The following UGGT2 variants were observed in gnomAD, a reference collection of about 807,000 sequenced individuals.
UGGT2 encodes UDP-glucose glycoprotein glucosyltransferase 2, also known as UDP-glucose:glycoprotein glucosyltransferase 2.
A neutral mutation model predicts 192.1 loss-of-function variants in UGGT2; 180 were observed. The ratio of observed to expected loss-of-function variants is 0.94; its 90% CI spans 0.83 to 1.06. The LOEUF (loss-of-function observed/expected upper bound fraction) is 1.06. UGGT2 is among the 50% of genes least tolerant of loss of function. The pLI, the probability that UGGT2 is intolerant of heterozygous loss-of-function variation, is 0.00. For synonymous variants in UGGT2, 580 were observed against 591.0 expected (o/e 0.98, Z 0.27); for missense variants, 1,849 against 1,795.7 (o/e 1.03, Z -0.54).
At chr13:96,051,876 G>C (rs546316563) in intron 1 of UGGT2, among the ~76,000 whole-genome samples, 3 of 152,188 alleles carry the variant, frequency 2.0e-5, no homozygotes, top group Non-Finnish European at 2.9e-5. Context: ...CTACACTGCT[G>C]GTGGGAATGT....
Position 95,844,535 on chromosome 13 carries a change from C to T in UGGT2, c.4285-7333G>A, listed in dbSNP as rs530148630. Among the ~76,000 whole-genome samples, 5 of 152,270 alleles carry T rather than the reference C, an allele frequency of 3.3e-5. No homozygotes were observed. In the South Asian group the frequency reaches 1.0e-3, roughly 32 times the overall value. ...AATCTGTAAGTCTTAAGTCTGACCA[C>T]TAAGTTTTTCATTTTTAAAATGCTA... On this transcript the variant is annotated intron_variant, in intron 36 of 38. Coordinates refer to ENST00000376747, the MANE Select transcript of UGGT2 (RefSeq NM_020121.4).
intron 2 of UGGT2, among the ~76,000 whole-genome samples, chr13:96,028,509 T>C (rs923124146): frequency 1.3e-5 from 2 of 152,208 alleles, no homozygotes; most frequent in African/African-American, 2.4e-5. Context: ...CAAAACTACA[T>C]AGGTTAACTA....
intron 30 of UGGT2, 93 bp from the exon 31 acceptor site, chr13:95,863,807 T>A: frequency 8.1e-6 from 8 of 983,504 alleles, no homozygotes; most frequent in Non-Finnish European, 1.1e-5. Context: ...AGATTACCCA[T>A]AGAAATCTAA....
intron 10 of UGGT2, among the ~76,000 whole-genome samples, chr13:95,983,146 T>C (rs1271286061): frequency 6.6e-6 from 1 of 152,192 alleles, no homozygotes; most frequent in Non-Finnish European, 1.5e-5. Flanking sequence ...ACCAGTCTGC[T>C]AAAATGTTCC....
chr13:95,998,130 A>C (rs1183832209), intron 6 of UGGT2, among the ~76,000 whole-genome samples: 3 of 152,172 alleles, frequency 2.0e-5, no homozygotes, highest in African/African-American at 7.2e-5. Flanking sequence ...TACAGAGAAA[A>C]AAAGAACTGC....
rs1435860314 is a variant in UGGT2 at position 95,854,409 on chromosome 13, G to A, written c.4075C>T (p.Pro1359Ser). Reference sequence around the variant, plus strand: ...ATTTCCCTGCGGCTATCACAAAATGGAGTATACCCATAAGGAGCTCCATCC... The same window carrying A: ...ATTTCCCTGCGGCTATCACAAAATGAAGTATACCCATAAGGAGCTCCATCC... Reference protein sequence around the residue: ...DLDGAPYGYTPFCDSRREMDG... With the variant: ...DLDGAPYGYTSFCDSRREMDG... Residue 1359 changes from proline to serine, a missense_variant, in exon 35 of 39, where the codon CCA (proline) becomes TCA (serine). Physicochemically the swap from Pro to Ser is moderately conservative, Grantham distance 74. Coordinates refer to ENST00000376747, the MANE Select transcript of UGGT2 (RefSeq NM_020121.4). 1 of 1,613,706 alleles carries A rather than the reference G, an allele frequency of 6.2e-7. No individual in the cohort carries two copies. The highest frequency in any genetic ancestry group is 8.5e-7 in the Non-Finnish European group (1 of 1,179,830).
At chr13:95,983,953 A>T in intron 9 of UGGT2, 89 bp from the exon 10 acceptor site, 1 of 847,602 alleles carries the variant, frequency 1.2e-6, no homozygotes, top group East Asian at 3.0e-5. Context: ...ACTTTGGATA[A>T]GAAGCTAAAA....
At chr13:95,875,158 A>G (rs934778823) in intron 29 of UGGT2, among the ~76,000 whole-genome samples, 4 of 152,192 alleles carry the variant, frequency 2.6e-5, no homozygotes, top group African/African-American at 9.7e-5. Context: ...GATATGTGGC[A>G]TATCTCGTGG....
chr13:95,974,098 C>T (rs142005803), intron 10 of UGGT2, among the ~76,000 whole-genome samples: 117 of 152,180 alleles, frequency 7.7e-4, no homozygotes, highest in African/African-American at 2.5e-3. Context: ...TTTTTCTGTA[C>T]GATTATCACT....
chr13:95,960,909 C>T (rs533205151), intron 12 of UGGT2, among the ~76,000 whole-genome samples: 18 of 152,184 alleles, frequency 1.2e-4, no homozygotes, highest in African/African-American at 4.3e-4. Context: ...AAAATGCCTG[C>T]CAGTTGAGGA....
At chr13:95,909,907 A>T (rs559801527) in intron 20 of UGGT2, among the ~76,000 whole-genome samples, 1 of 151,916 alleles carries the variant, frequency 6.6e-6, no homozygotes, top group South Asian at 2.1e-4. Flanking sequence ...CAGAAACCCT[A>T]CAAGCCAGAA....
At chr13:95,893,827 A>G (rs904906332) in intron 24 of UGGT2, among the ~76,000 whole-genome samples, 9 of 152,246 alleles carry the variant, frequency 5.9e-5, no homozygotes, top group African/African-American at 2.2e-4. Flanking sequence ...CATAGAAATC[A>G]CATATGATAG....
intron 17 of UGGT2, among the ~76,000 whole-genome samples, chr13:95,928,208 CA>C (rs2140447166): frequency 6.6e-6 from 1 of 152,186 alleles, no homozygotes; most frequent in South Asian, 2.1e-4. Context: ...GGCGGCCGGG[CA>C]GAGGCGCCCC....
At chr13:95,857,430 A>G (rs1889722754) in intron 33 of UGGT2, among the ~76,000 whole-genome samples, 1 of 152,162 alleles carries the variant, frequency 6.6e-6, no homozygotes, top group African/African-American at 2.4e-5. Context: ...TCTACAGAAA[A>G]AAGTGCTATG....
Position 95,977,277 on chromosome 13 carries a change from G to T in UGGT2, c.1093-4606C>A, listed in dbSNP as rs140573315. On this transcript the variant is annotated intron_variant, in intron 10 of 38. Transcript: ENST00000376747. Reference sequence around the variant, plus strand: ...GAGTGAACAGGCAACCTACAGAATGGGAGAAAGTCTTTGCAATCTACCCAT... The same window carrying T: ...GAGTGAACAGGCAACCTACAGAATGTGAGAAAGTCTTTGCAATCTACCCAT... 8.0e-3 allele frequency among the ~76,000 whole-genome samples: 1,217 copies of T among 152,160 alleles called. 22 individuals are homozygous for T. Among genetic ancestry groups the T allele is most frequent in the African/African-American group, 0.028 (1,149 of 41,518 alleles).
At chr13:95,806,988 C>A (rs376848225) in intron 38 of UGGT2, among the ~76,000 whole-genome samples, 6 of 152,236 alleles carry the variant, frequency 3.9e-5, no homozygotes, top group Admixed American at 2.0e-4. Context: ...CAGTTGACCC[C>A]TGAATAACAT....
Position 95,926,484 on chromosome 13 carries a change from A to G in UGGT2, c.2200+544T>C, listed in dbSNP as rs1015891789. Among the ~76,000 whole-genome samples the G allele has an allele frequency of 4.6e-5, 7 of 152,284 alleles. No homozygotes were observed. The South Asian group carries it at 1.4e-3, about 32-fold the overall frequency. On this transcript the variant is annotated intron_variant, in intron 19 of 38. Transcript: ENST00000376747. The stretch of plus-strand genomic sequence containing the variant: ...ATTTCTAGAGCAAAGCAGGCCAAAC[A>G]AAACAAAGCAAAGCAAAACAAAAAC...
chr13:95,902,867 G>A lies in UGGT2; in HGVS notation c.2489C>T (p.Thr830Ile). The change falls in exon 21 of 39, where the codon ACA becomes ATA. Residue 830 changes from threonine (T) to isoleucine (I), a missense_variant. Physicochemically the swap from Thr to Ile is moderately conservative, Grantham distance 89. Transcript: ENST00000376747. ...TAIYSGDKIK[T>I]FLIEGMDKNA... is the part of the protein sequence containing the mutation. ...ATAGCTACTGACCTCAATAAGGAAT[G>A]TTTTAATTTTATCTCCAGAGTAAAT... The A allele has an allele frequency of 3.1e-6, 5 of 1,612,758 alleles. No individual in the cohort carries two copies. Among genetic ancestry groups the A allele is most frequent in the Non-Finnish European group, 4.2e-6 (5 of 1,179,364 alleles).
At position 96,031,984 on chromosome 13, in the gene UGGT2, T is replaced by A; in HGVS notation, c.159-13A>T. 1 of 1,583,960 alleles carries A rather than the reference T, an allele frequency of 6.3e-7. No homozygotes were observed. Among genetic ancestry groups the A allele is most frequent in the Non-Finnish European group, 8.7e-7 (1 of 1,155,046 alleles). On this transcript the variant is annotated splice_polypyrimidine_tract_variant and intron_variant, in intron 1 of 38. Coordinates refer to ENST00000376747, the MANE Select transcript of UGGT2 (RefSeq NM_020121.4). ...TGCCATAAATTCACTATTAAAAAAA[T>A]AGAAGTAATCGGTTAGTAGATGGAA...
Sources: allele counts gnomAD v4.1 joint callset (sites outside exome capture counted in the v4.1 genomes callset), GRCh38; gene constraint gnomAD v4.1.1; transcripts MANE v1.5; gene names NCBI Gene and HGNC (gene_info 2026-07-23, HGNC 2026-07-21).